Variants in FHIT observed in about 807,000 individuals in gnomAD.
FHIT encodes the protein fragile histidine triad diadenosine triphosphatase.
Under a neutral mutation model 17.9 loss-of-function variants are expected in FHIT, and 19 were observed. That is an observed-to-expected ratio of 1.06 (90% CI 0.74 to 1.56). The LOEUF is 1.56. Ranked by LOEUF, FHIT falls within the 40% of genes most tolerant of loss-of-function variation. FHIT has a pLI of 0.00. For synonymous variants in FHIT, 81 were observed against 69.7 expected (o/e 1.16, Z -0.81); for missense variants, 248 against 189.2 (o/e 1.31, Z -1.82).
rs1314560382 is a variant in FHIT at position 60,114,001 on chromosome 3, CCAAAAAAAAAAAA to C, written c.104-99862_104-99850del. ...TGGGCAATAGAACAAGACCCCGTCT[CCAAAAAAAAAAAA>C]AAAAAAAAAAAAAAAAAAAAAAATA... On this transcript the variant is annotated intron_variant, in intron 5 of 9. Coordinates refer to ENST00000492590, the MANE Select transcript of FHIT (RefSeq NM_002012.4). 1.7e-3 allele frequency among the ~76,000 whole-genome samples: 31 copies of C among 17,912 alleles called. 1 individual carries two copies. Among genetic ancestry groups the C allele is most frequent in the South Asian group, 4.7e-3 (1 of 214 alleles). 11.8% of individuals were successfully genotyped at this position (17,912 alleles called of 152,430 possible). A position where few individuals can be genotyped will look rare whatever the true frequency, so the allele number is the denominator to read the frequency against.
chr3:60,264,082 GT>G lies in FHIT; in HGVS notation c.104-249931del, dbSNP rs1337794653. On this transcript the variant is annotated intron_variant, in intron 5 of 9. Coordinates refer to ENST00000492590, the MANE Select transcript of FHIT (RefSeq NM_002012.4). ...ACAAAGTATGTGGCATCAGCTTCCA[GT>G]GAATTCCCCAAAGTGGGGGAGAAAA... Among the ~76,000 whole-genome samples, 632 of 152,024 alleles carry G rather than the reference GT, an allele frequency of 4.2e-3. 3 individuals are homozygous for G. Among genetic ancestry groups the G allele is most frequent in the African/African-American group, 0.014 (590 of 41,518 alleles).
chr3:59,830,215 C>G (rs1461836142), intron 8 of FHIT, among the ~76,000 whole-genome samples: 2 of 152,172 alleles, frequency 1.3e-5, no homozygotes, highest in African/African-American at 4.8e-5. Flanking sequence ...CCAAAGTAAT[C>G]AGAAGCTATA....
intron 2 of FHIT, among the ~76,000 whole-genome samples, chr3:61,144,979 T>A (rs1049937948): frequency 6.6e-6 from 1 of 152,194 alleles, no homozygotes; most frequent in African/African-American, 2.4e-5. Flanking sequence ...TTTTCTCCCA[T>A]CTTTGGGTAT....
chr3:60,429,238 C>G (rs1479493198), intron 5 of FHIT, among the ~76,000 whole-genome samples: 1 of 151,900 alleles, frequency 6.6e-6, no homozygotes, highest in African/African-American at 2.4e-5. Flanking sequence ...TAAATACCTT[C>G]TTTAAGTGAT....
chr3:60,535,909 A>T lies in FHIT; in HGVS notation c.103+951T>A, dbSNP rs187324185. ...CACATTTTCACTGGAAAAAAAATGTAGCTTACTCTGAAAAACCTCTTGGCA... is the reference window on the plus strand; with the variant it reads ...CACATTTTCACTGGAAAAAAAATGTTGCTTACTCTGAAAAACCTCTTGGCA... On this transcript the variant is annotated intron_variant, in intron 5 of 9. Transcript: ENST00000492590. 12 of 152,144 alleles carry T rather than the reference A, an allele frequency of 7.9e-5. No individual in the cohort carries two copies. The East Asian group carries it at 1.9e-3, about 25-fold the overall frequency. The allele number at this position is 152,144 out of a possible 1,614,324, so 9.4% of individuals were successfully genotyped here. A position where few individuals can be genotyped will look rare whatever the true frequency, so the allele number is the denominator to read the frequency against.
At chr3:60,747,859 T>C (rs2042390262) in intron 4 of FHIT, among the ~76,000 whole-genome samples, 1 of 152,192 alleles carries the variant, frequency 6.6e-6, no homozygotes, top group South Asian at 2.1e-4. Flanking sequence ...ATTTGAATGA[T>C]GAATCTAAGA....
At chr3:60,492,567 T>C (rs889226997) in intron 5 of FHIT, among the ~76,000 whole-genome samples, 27 of 150,634 alleles carry the variant, frequency 1.8e-4, no homozygotes, top group African/African-American at 6.4e-4. Flanking sequence ...AGTGCAATGG[T>C]GTGATCTCGG....
At position 60,359,054 on chromosome 3, in the gene FHIT, C is replaced by T. The variant is rs573929252; in HGVS notation, c.103+177806G>A. On this transcript the variant is annotated intron_variant, in intron 5 of 9. Transcript: ENST00000492590. ...AGATGTGGTATCCCATCAGCACTTG[C>T]CCAGCACTGAGAATACAGCAGGTAT... Among the ~76,000 whole-genome samples, 113 of 152,190 alleles carry T rather than the reference C, an allele frequency of 7.4e-4. 1 individual carries two copies. Among genetic ancestry groups the T allele is most frequent in the Admixed American group, 2.8e-3 (43 of 15,268 alleles).
At chr3:59,773,164 T>A in intron 8 of FHIT, among the ~76,000 whole-genome samples, 1 of 152,208 alleles carries the variant, frequency 6.6e-6, no homozygotes, top group East Asian at 1.9e-4. Context: ...GTCTTCATTC[T>A]CACACAGTCA....
At chr3:60,969,809 C>T (rs953674067) in intron 3 of FHIT, among the ~76,000 whole-genome samples, 1 of 152,172 alleles carries the variant, frequency 6.6e-6, no homozygotes, top group South Asian at 2.1e-4. Context: ...GTGTTCTATA[C>T]ATAAGATTAA....
intron 5 of FHIT, among the ~76,000 whole-genome samples, chr3:60,229,825 T>C (rs938791758): frequency 1.3e-5 from 2 of 152,096 alleles, no homozygotes; most frequent in African/African-American, 4.8e-5. Context: ...AAAAGGACTT[T>C]TTTAAAGTTA....
chr3:60,480,886 G>C (rs1017384395), intron 5 of FHIT, among the ~76,000 whole-genome samples: 1 of 152,186 alleles, frequency 6.6e-6, no homozygotes, highest in Non-Finnish European at 1.5e-5. Flanking sequence ...TACCATTCTG[G>C]GGTCTAGAGG....
intron 5 of FHIT, among the ~76,000 whole-genome samples, chr3:60,500,494 G>A (rs2034478437): frequency 6.6e-6 from 1 of 152,062 alleles, no homozygotes; most frequent in Admixed American, 6.5e-5. Context: ...CTGTGGCTGG[G>A]CACGGTGGCT....
At chr3:60,609,164 G>T (rs2038702361) in intron 4 of FHIT, among the ~76,000 whole-genome samples, 1 of 152,000 alleles carries the variant, frequency 6.6e-6, no homozygotes, top group Non-Finnish European at 1.5e-5. Context: ...TGTCTCAAAA[G>T]AAAATAGCAT....
chr3:60,441,419 G>T (rs1174697338), intron 5 of FHIT, among the ~76,000 whole-genome samples: 1 of 151,896 alleles, frequency 6.6e-6, no homozygotes, highest in African/African-American at 2.4e-5. Context: ...GTAGCTCACT[G>T]AATCATTTAA....
chr3:60,391,485 CT>C (rs1431356119), intron 5 of FHIT, among the ~76,000 whole-genome samples: 1 of 152,172 alleles, frequency 6.6e-6, no homozygotes, highest in Non-Finnish European at 1.5e-5. Context: ...GCACTCATCA[CT>C]TATGTACTGA....
chr3:60,542,612 T>C (rs2036221653), intron 4 of FHIT, among the ~76,000 whole-genome samples: 1 of 152,204 alleles, frequency 6.6e-6, no homozygotes, highest in African/African-American at 2.4e-5. Flanking sequence ...CATATTGCTT[T>C]CCTCCCTTCA....
intron 8 of FHIT, among the ~76,000 whole-genome samples, chr3:59,772,681 G>C (rs1702126672): frequency 6.6e-6 from 1 of 152,166 alleles, no homozygotes; most frequent in Non-Finnish European, 1.5e-5. Context: ...ATCCTAACGA[G>C]AAGGCAAAAG....
chr3:61,043,996 C>A (rs552627686), intron 2 of FHIT, among the ~76,000 whole-genome samples: 2 of 152,236 alleles, frequency 1.3e-5, no homozygotes, highest in South Asian at 4.1e-4. Context: ...TCATCAAAGA[C>A]CAAAGGTACA....
Sources: gnomAD v4.1 joint callset for allele counts (sites outside exome capture counted in the v4.1 genomes callset) on GRCh38, gnomAD v4.1.1 for gene constraint, MANE v1.5 for transcripts, NCBI Gene and HGNC (gene_info 2026-07-23, HGNC 2026-07-21) for gene names.